The following KRT24 variants were observed in gnomAD, a reference collection of about 807,000 sequenced individuals.
KRT24 encodes the protein keratin, type I cytoskeletal 24.
Under a neutral mutation model 51.7 loss-of-function variants are expected in KRT24, and 44 were observed. The ratio of observed to expected loss-of-function variants is 0.85; its 90% CI spans 0.67 to 1.09. The LOEUF is 1.09. Ranked by LOEUF, KRT24 falls within the 50% of genes least tolerant of loss-of-function variation. The pLI, the probability that KRT24 is intolerant of heterozygous loss-of-function variation, is 0.00. For missense variants in KRT24, 633 were observed against 647.0 expected (o/e 0.98, Z 0.24); for synonymous variants, 241 against 249.5 (o/e 0.97, Z 0.32).
chr17:40,698,875 AT>A (rs11315622), intron 6 of KRT24, among the ~76,000 whole-genome samples: 58,403 of 130,786 alleles, frequency 0.45, 11,903 homozygotes, highest in Middle Eastern at 0.59. Context: ...TGCCCAGCTA[AT>A]TTTTTTTTTT....
In KRT24 at chr17:40,701,185, C is replaced by T. The variant is rs1479454226; in HGVS notation, c.810G>A (p.Glu270=). 6.2e-7 allele frequency: 1 copy of T among 1,614,100 alleles called. No individual in the cohort carries two copies. Among genetic ancestry groups the T allele is most frequent in the Admixed American group, 1.7e-5 (1 of 60,004 alleles). ...MTRSDLEMQI[E]SFTEELAYLR... ...GGTAGGCTAGCTCCTCGGTGAAACT[C>T]TCAATCTGCATCTCCAGGTCAGAGC... The change falls in exon 3 of 8, where the codon GAG becomes GAA. Residue 270 remains glutamate, a synonymous_variant. Transcript: ENST00000264651.
Position 40,701,995 on chromosome 17 carries a change from A to T in KRT24, c.616-62T>A, listed in dbSNP as rs11870677. The T allele has an allele frequency of 2.6e-3, 2,080 of 805,426 alleles. 32 individuals carry two copies. In the African/African-American group the frequency reaches 0.033, roughly 13 times the overall value. 49.9% of individuals were successfully genotyped at this position (805,426 alleles called of 1,614,324 possible). On this transcript the variant is annotated intron_variant, in intron 1 of 7. Transcript: ENST00000264651. ...ATTTTTACCTTGTGTCTGCATGCCTACTTGTAAGGGTAGCTGTTGCCTGTG... is the reference window on the plus strand; with the variant it reads ...ATTTTTACCTTGTGTCTGCATGCCTTCTTGTAAGGGTAGCTGTTGCCTGTG...
chr17:40,703,205 C>A lies in KRT24; in HGVS notation c.489G>T (p.Glu163Asp). 1 of 1,614,116 alleles carries A rather than the reference C, an allele frequency of 6.2e-7. No individual in the cohort carries two copies. Among genetic ancestry groups the A allele is most frequent in the East Asian group, 2.2e-5 (1 of 44,880 alleles). The part of the protein sequence containing the change: ...NYLDKVRALE[E>D]ANTDLENKIK... ...TTTTGTTCTCCAGATCAGTGTTAGC[C>A]TCCTCCAGGGCTCTGACCTTGTCTA... is the stretch of plus-strand genomic sequence containing the variant. Residue 163 changes from glutamate to aspartate, a missense_variant, in exon 1 of 8, where the codon GAG (glutamate) becomes GAT (aspartate). Glu to Asp is a conservative substitution (Grantham distance 45, BLOSUM62 2). Transcript: ENST00000264651.
rs1253920877 is a variant in KRT24 at position 40,698,524 on chromosome 17, TA to T, written c.1474+13del. On this transcript the variant is annotated intron_variant, in intron 7 of 7. Transcript: ENST00000264651. ...TAAATTACAGAACTATTATCAATATTAAAAAAAGTCTACCTCGTCCTTGACC... is the reference window on the plus strand; with the variant it reads ...TAAATTACAGAACTATTATCAATATTAAAAAAGTCTACCTCGTCCTTGACC... 6.9e-6 allele frequency: 10 copies of T among 1,459,252 alleles called. No homozygotes were observed. Among genetic ancestry groups the T allele is most frequent in the South Asian group, 1.2e-5 (1 of 83,614 alleles). The allele number at this position is 1,459,252 out of a possible 1,614,324, so 90.4% of individuals were successfully genotyped here.
rs750709919 is a variant in KRT24 at position 40,703,424 on chromosome 17, A to G, written c.270T>C (p.Gly90=). The G allele has an allele frequency of 3.8e-6, 6 of 1,579,178 alleles. No homozygotes were observed. In the Admixed American group the frequency reaches 6.7e-5, roughly 18 times the overall value. ...ATCCAGAGACCCCGCCAAAGCTAGA[A>G]CCCCCACCAAATCCTGTCCCAGAGC... The part of the protein sequence containing the change: ...ASGSGTGFGG[G]SSFGGVSGFG... Residue 90 remains glycine (G), a synonymous_variant, in exon 1 of 8, where the codon GGT becomes GGC. Coordinates refer to ENST00000264651, the MANE Select transcript of KRT24 (RefSeq NM_019016.3).
chr17:40,701,335 T>C, intron 2 of KRT24, 39 bp from the exon 3 acceptor site: 4 of 1,585,698 alleles, frequency 2.5e-6, no homozygotes, highest in Non-Finnish European at 3.4e-6. Flanking sequence ...TACTGTGAGC[T>C]CACCTGGCCG....
At position 40,699,614 on chromosome 17, in the gene KRT24, C is replaced by A. The variant is rs1371193933; in HGVS notation, c.1191G>T (p.Val397=). The A allele has an allele frequency of 2.5e-6, 4 of 1,614,162 alleles. No homozygotes were observed. In the African/African-American group the frequency reaches 5.3e-5, roughly 22 times the overall value. ...GTLADTEAGY[V]AQLSEIQTQI... ...GCGTTTGAATTTCTGACAGCTGAGCCACGTAGCCAGCTTCTGTGTCAGCCA... is the reference window on the plus strand; with the variant it reads ...GCGTTTGAATTTCTGACAGCTGAGCAACGTAGCCAGCTTCTGTGTCAGCCA... Residue 397 remains valine (V), a synonymous_variant, in exon 6 of 8, where the codon GTG becomes GTT. Coordinates refer to ENST00000264651, the MANE Select transcript of KRT24 (RefSeq NM_019016.3).
rs2037650357 is a variant in KRT24 at position 40,699,603 on chromosome 17, G to A, written c.1202C>T (p.Ser401Leu). 6.2e-7 allele frequency: 1 copy of A among 1,614,038 alleles called. No individual in the cohort carries two copies. The highest frequency in any genetic ancestry group is 1.3e-5 in the African/African-American group (1 of 74,908). Residue 401 changes from serine to leucine, a missense_variant, in exon 6 of 8, where the codon TCA (serine) becomes TTA (leucine). Coordinates refer to ENST00000264651, the MANE Select transcript of KRT24 (RefSeq NM_019016.3). ...DTEAGYVAQLSEIQTQISALE... is the reference protein window; with the variant it reads ...DTEAGYVAQLLEIQTQISALE... The stretch of plus-strand genomic sequence containing the variant: ...GGCACTGATCTGCGTTTGAATTTCT[G>A]ACAGCTGAGCCACGTAGCCAGCTTC...
At chr17:40,702,520 C>G (rs1408331479) in intron 1 of KRT24, among the ~76,000 whole-genome samples, 2 of 152,130 alleles carry the variant, frequency 1.3e-5, no homozygotes, top group Non-Finnish European at 2.9e-5. Context: ...GGACATAGTC[C>G]TCTGCATATT....
intron 6 of KRT24, 137 bp from the exon 7 acceptor site, chr17:40,698,787 C>T (rs971887985): frequency 5.7e-5 from 36 of 633,076 alleles, no homozygotes; most frequent in Non-Finnish European, 9.7e-5. Context: ...CTTTTTTGTT[C>T]AACCTTGCAC....
chr17:40,701,494 C>A (rs911286697), intron 2 of KRT24, among the ~76,000 whole-genome samples, 198 bp from the exon 3 acceptor site: 1 of 151,922 alleles, frequency 6.6e-6, no homozygotes, highest in Non-Finnish European at 1.5e-5. Context: ...TCATGTCTAA[C>A]ATTTTTAATA....
At chr17:40,702,017 T>G in intron 1 of KRT24, 84 bp from the exon 2 acceptor site, 1 of 595,700 alleles carries the variant, frequency 1.7e-6, no homozygotes, top group East Asian at 4.2e-5. Flanking sequence ...AGCTGTTGCC[T>G]GTGTTATTAG....
chr17:40,701,994 T>A, intron 1 of KRT24, 61 bp from the exon 2 acceptor site: 5 of 827,292 alleles, frequency 6.0e-6, no homozygotes, highest in Non-Finnish European at 9.7e-6. Flanking sequence ...TCTGCATGCC[T>A]ACTTGTAAGG....
rs916701749 is a variant in KRT24, at chr17:40,700,296, T to G, written c.943A>C (p.Asn315His). Residue 315 changes from asparagine (N) to histidine (H), a missense_variant, in exon 4 of 8, where the codon AAT (asparagine) becomes CAT (histidine). Physicochemically the swap from Asn to His is moderately conservative, Grantham distance 68. Transcript: ENST00000264651. ...TCCTCGTACTGCGCCCTCATGTCAT[T>G]CAGTAATTTGGTCAGGTCGGTCCCT... ...APGTDLTKLL[N>H]DMRAQYEELA... 1.2e-6 allele frequency: 2 copies of G among 1,613,986 alleles called. No individual in the cohort carries two copies. The highest frequency in any genetic ancestry group is 2.7e-5 in the African/African-American group (2 of 74,888).
Position 40,698,272 on chromosome 17 carries a change from G to A in KRT24, c.1543C>T (p.Gln515Ter). The A allele has an allele frequency of 1.9e-6, 3 of 1,613,190 alleles. No individual in the cohort carries two copies. Among genetic ancestry groups the A allele is most frequent in the South Asian group, 2.2e-5 (2 of 91,068 alleles). Residue 515 changes from glutamine to a stop codon, truncating the protein, a stop_gained, in exon 8 of 8, where the codon CAA becomes TAA. Transcript: ENST00000264651. LOFTEE classifies it high-confidence loss of function. Reference protein sequence around the residue: ...ELVDGKVVSSQVSSISEVKVK With the variant: ...ELVDGKVVSS Reference sequence around the variant, plus strand: ...TTCACCTCAGAAATACTGCTGACTTGAGACGAGACAACCTTGCCATCCACC... The same window carrying A: ...TTCACCTCAGAAATACTGCTGACTTAAGACGAGACAACCTTGCCATCCACC...
At position 40,703,106 on chromosome 17, in the gene KRT24, A is replaced by C; in HGVS notation, c.588T>G (p.Tyr196Ter). 6.2e-7 allele frequency: 1 copy of C among 1,607,038 alleles called. No individual in the cohort carries two copies. Among genetic ancestry groups the C allele is most frequent in the South Asian group, 1.1e-5 (1 of 89,566 alleles). Residue 196 changes from tyrosine to a stop codon, truncating the protein, a stop_gained, in exon 1 of 8, where the codon TAT (tyrosine) becomes TAG (stop). Coordinates refer to ENST00000264651, the MANE Select transcript of KRT24 (RefSeq NM_019016.3). LOFTEE classifies it high-confidence loss of function. The stretch of plus-strand genomic sequence containing the variant: ...GGTTTCTGAGATCTTCAATTATTGA[A>C]TAGTATTTGCTATAATCTCTTCCCG... The part of the protein sequence containing the change: ...GGSGRDYSKY[Y>*]SIIEDLRNQI...
chr17:40,701,772 TATATA>T (rs201014988), intron 2 of KRT24, 74 bp downstream of exon 2: 741 of 48,820 alleles, frequency 0.015, 62 homozygotes, highest in Admixed American at 0.033. Flanking sequence ...TATATATATA[TATATA>T]TATTTATTTA....
chr17:40,700,006 G>T lies in KRT24; in HGVS notation c.1135C>A (p.Leu379Met). The change falls in exon 5 of 8, where the codon CTG becomes ATG. Residue 379 changes from leucine to methionine, a missense_variant. Coordinates refer to ENST00000264651, the MANE Select transcript of KRT24 (RefSeq NM_019016.3). The part of the protein sequence containing the change: ...QALEIELQSQ[L>M]AMKSSLEGTL... ...AAGCTATTTGCACATACCATGGCCA[G>T]TTGGGACTGAAGCTCAATTTCCAGG... 6.2e-7 allele frequency: 1 copy of T among 1,614,184 alleles called. No homozygotes were observed. Among genetic ancestry groups the T allele is most frequent in the African/African-American group, 1.3e-5 (1 of 75,060 alleles).
Position 40,703,735 on chromosome 17 carries a change from G to C in KRT24, c.-42C>G. The C allele has an allele frequency of 6.6e-7, 1 of 1,516,294 alleles. No homozygotes were observed. The highest frequency in any genetic ancestry group is 8.8e-7 in the Non-Finnish European group (1 of 1,133,274). The allele number at this position is 1,516,294 out of a possible 1,614,324, so 93.9% of individuals were successfully genotyped here. A position where few individuals can be genotyped will look rare whatever the true frequency, so the allele number is the denominator to read the frequency against. On this transcript the variant is annotated 5_prime_UTR_variant, in exon 1 of 8. Transcript: ENST00000264651. ...TGAGCTTGTCCAGGCGAATAGGAGA[G>C]GTGATGACGAAGAGTGTATTCAAGG...
Sources: allele counts gnomAD v4.1 joint callset (sites outside exome capture counted in the v4.1 genomes callset), GRCh38; gene constraint gnomAD v4.1.1; transcripts MANE v1.5; gene names NCBI Gene and HGNC (gene_info 2026-07-23, HGNC 2026-07-21).